Variants in THOC5 observed in about 807,000 individuals in gnomAD.
The protein encoded by THOC5 is Fms-interacting protein.
In THOC5, 43 loss-of-function variants were observed where a neutral mutation model predicts 92.9. The ratio of observed to expected loss-of-function variants is 0.46; its 90% confidence interval spans 0.36 to 0.60. The LOEUF (loss-of-function observed/expected upper bound fraction) is 0.60. Ranked by LOEUF, THOC5 falls within the 20% of genes least tolerant of loss-of-function variation. THOC5 has a pLI of 0.00. For missense variants in THOC5, 659 were observed against 849.4 expected (o/e 0.78, Z 2.79); for synonymous variants, 296 against 320.1 (o/e 0.92, Z 0.80).
chr22:29,533,734 T>C (rs5763302), intron 7 of THOC5, among the ~76,000 whole-genome samples: 73,942 of 151,978 alleles, frequency 0.49, 18,115 homozygotes, highest in East Asian at 0.76. Flanking sequence ...AAAGGCAAAA[T>C]GTGCTGTGTT....
chr22:29,531,807 T>C lies in THOC5; in HGVS notation c.847+24A>G, dbSNP rs755464167. Reference sequence around the variant, plus strand: ...CAGCTGCTGCTCCCATAGCCCCTTGTCCTCACCCAGGCCCCATACTCACCA... The same window carrying C: ...CAGCTGCTGCTCCCATAGCCCCTTGCCCTCACCCAGGCCCCATACTCACCA... On this transcript the variant is annotated intron_variant, in intron 8 of 19. Coordinates refer to ENST00000490103, the MANE Select transcript of THOC5 (RefSeq NM_003678.5). The C allele has an allele frequency of 5.6e-6, 9 of 1,609,606 alleles. No homozygotes were observed. The South Asian group carries it at 7.7e-5, about 14-fold the overall frequency.
intron 3 of THOC5, among the ~76,000 whole-genome samples, 186 bp from the exon 4 acceptor site, chr22:29,543,728 C>T (rs970990887): frequency 6.6e-6 from 1 of 151,222 alleles, no homozygotes; most frequent in Admixed American, 6.6e-5. Context: ...GAATCTCGGG[C>T]AAAAAAAAGT....
chr22:29,533,968 C>A (rs994218537), intron 7 of THOC5, among the ~76,000 whole-genome samples: 2 of 152,118 alleles, frequency 1.3e-5, no homozygotes, highest in Non-Finnish European at 2.9e-5. Context: ...TACTGTATGA[C>A]CTAGAATTTC....
intron 12 of THOC5, 84 bp downstream of exon 12, chr22:29,525,754 G>A (rs1045565395): frequency 2.7e-6 from 3 of 1,102,338 alleles, no homozygotes; most frequent in African/African-American, 3.1e-5. Flanking sequence ...CAGAGCCAGA[G>A]GGAGGAACCG....
Position 29,517,126 on chromosome 22 carries a change from G to A in THOC5, c.1594-10C>T, listed in dbSNP as rs776476931. 1 of 1,614,080 alleles carries A rather than the reference G, an allele frequency of 6.2e-7. No individual in the cohort carries two copies. The highest frequency in any genetic ancestry group is 1.3e-5 in the African/African-American group (1 of 75,024). On this transcript the variant is annotated splice_polypyrimidine_tract_variant and intron_variant, in intron 16 of 19. Coordinates refer to ENST00000490103, the MANE Select transcript of THOC5 (RefSeq NM_003678.5). ...TGGTGAAGTGCAGCTCCTAGAAGAG[G>A]TACCACAGACAAGAGGTGAACTGCT...
intron 2 of THOC5, chr22:29,545,195 T>G (rs1465907650): frequency 3.6e-6 from 1 of 279,910 alleles, no homozygotes; most frequent in East Asian, 1.3e-4. Context: ...GTCGTGAGAC[T>G]TATTCACTAT....
At chr22:29,516,565 AG>A (rs2063336502) in intron 17 of THOC5, among the ~76,000 whole-genome samples, 1 of 152,210 alleles carries the variant, frequency 6.6e-6, no homozygotes, top group Admixed American at 6.5e-5. Context: ...ATGCCAGAAG[AG>A]GTATGAAGAA....
intron 17 of THOC5, among the ~76,000 whole-genome samples, 165 bp from the exon 18 acceptor site, chr22:29,512,301 T>A (rs943916468): frequency 2.6e-5 from 4 of 152,200 alleles, no homozygotes; most frequent in Admixed American, 2.0e-4. Context: ...CTAAGTGGAA[T>A]TGCCAGCTTG....
At chr22:29,520,716 G>A (rs1010505467) in intron 13 of THOC5, among the ~76,000 whole-genome samples, 1 of 152,120 alleles carries the variant, frequency 6.6e-6, no homozygotes, top group African/African-American at 2.4e-5. Context: ...GGCTGGTATC[G>A]AACTCCTGAG....
chr22:29,520,177 C>T, intron 13 of THOC5, 73 bp from the exon 14 acceptor site: 5 of 1,334,272 alleles, frequency 3.7e-6, no homozygotes, highest in Non-Finnish European at 5.2e-6. Context: ...AGCCTCCTCC[C>T]ACCCTCCCAT....
At chr22:29,552,420 A>G (rs2881995) in intron 1 of THOC5, among the ~76,000 whole-genome samples, 66,763 of 141,928 alleles carry the variant, frequency 0.47, 15,331 homozygotes, top group East Asian at 0.75. Flanking sequence ...TGTGAGGAGC[A>G]CCTCTGCCCG....
intron 8 of THOC5, among the ~76,000 whole-genome samples, chr22:29,529,568 GC>G (rs1372969619): frequency 6.6e-6 from 1 of 152,192 alleles, no homozygotes; most frequent in African/African-American, 2.4e-5. Flanking sequence ...GAACTCCTCT[GC>G]CAGTTGTCTT....
At chr22:29,511,347 G>T (rs774852654) in intron 18 of THOC5, 51 bp from the exon 19 acceptor site, 29 of 1,569,954 alleles carry the variant, frequency 1.8e-5, no homozygotes, top group African/African-American at 2.7e-5. Context: ...GCATGTGGGG[G>T]ACCACACTGG....
intron 3 of THOC5, among the ~76,000 whole-genome samples, 153 bp from the exon 4 acceptor site, chr22:29,543,695 G>A (rs1203050278): frequency 6.6e-6 from 1 of 152,088 alleles, no homozygotes; most frequent in East Asian, 1.9e-4. Context: ...ATAAGAGGAT[G>A]ATTGTATAAG....
At chr22:29,529,336 G>A in intron 8 of THOC5, 97 bp from the exon 9 acceptor site, 1 of 1,281,770 alleles carries the variant, frequency 7.8e-7, no homozygotes, top group Non-Finnish European at 1.1e-6. Context: ...TCCCACCTCT[G>A]CCCAGCTCCT....
intron 15 of THOC5, 80 bp downstream of exon 15, chr22:29,518,926 G>T: frequency 1.0e-6 from 1 of 972,694 alleles, no homozygotes; most frequent in Non-Finnish European, 1.6e-6. Flanking sequence ...CAGGATTCAA[G>T]TTTTGAGTGA....
At chr22:29,519,237 G>C (rs1249276642) in intron 14 of THOC5, 117 bp from the exon 15 acceptor site, 7 of 624,794 alleles carry the variant, frequency 1.1e-5, no homozygotes, top group African/African-American at 1.9e-5. Context: ...CCCCAAGATG[G>C]GTACCCTTTA....
Position 29,543,654 on chromosome 22 carries a change from G to A in THOC5, c.241-112C>T, listed in dbSNP as rs2063949881. 7.9e-6 allele frequency: 5 copies of A among 631,822 alleles called. No homozygotes were observed. The South Asian group carries it at 8.5e-5, about 11-fold the overall frequency. 39.1% of individuals were successfully genotyped at this position (631,822 alleles called of 1,614,324 possible). ...GGGGCCAAAAACGGCACCGGAGGGAGCTCAGAACCATGAGAAGGGTCATGA... is the reference window on the plus strand; with the variant it reads ...GGGGCCAAAAACGGCACCGGAGGGAACTCAGAACCATGAGAAGGGTCATGA... On this transcript the variant is annotated intron_variant, in intron 3 of 19. Coordinates refer to ENST00000490103, the MANE Select transcript of THOC5 (RefSeq NM_003678.5).
In THOC5 at chr22:29,539,310, C is replaced by T. The variant is rs144711027; in HGVS notation, c.599+20G>A. ...CACTGACACTTTGTGGTTAAAAGGT[C>T]AGGAAGGAGGAAATGCTACCTTTTC... On this transcript the variant is annotated intron_variant, in intron 6 of 19. Coordinates refer to ENST00000490103, the MANE Select transcript of THOC5 (RefSeq NM_003678.5). 6.2e-7 allele frequency: 1 copy of T among 1,611,492 alleles called. No homozygotes were observed. Among genetic ancestry groups the T allele is most frequent in the East Asian group, 2.2e-5 (1 of 44,840 alleles).
Sources: allele counts gnomAD v4.1 joint callset (sites outside exome capture counted in the v4.1 genomes callset), GRCh38; gene constraint gnomAD v4.1.1; transcripts MANE v1.5; gene names NCBI Gene and HGNC (gene_info 2026-07-23, HGNC 2026-07-21).